Variants in MMP16 observed in about 807,000 individuals in gnomAD.
MMP16 encodes the protein matrix metallopeptidase 16, also known as matrix metalloproteinase-16.
In MMP16, 12 loss-of-function variants were observed where a neutral mutation model predicts 67.8. That is an observed-to-expected ratio of 0.18 (90% CI 0.11 to 0.29). MMP16 has a LOEUF of 0.29. MMP16 is among the 10% of genes least tolerant of loss of function. MMP16 has a pLI of 1.00. For missense variants in MMP16, 475 were observed against 765.7 expected, an observed-to-expected ratio of 0.62 and a Z score of 4.48; for synonymous variants, 249 against 255.9, an observed-to-expected ratio of 0.97 and a Z score of 0.26.
chr8:88,274,442 C>G (rs1031596586), intron 1 of MMP16, among the ~76,000 whole-genome samples: 19 of 152,028 alleles, frequency 1.2e-4, no homozygotes, highest in Non-Finnish European at 2.8e-4. Context: ...ATACGTAAGT[C>G]CACAGACATA....
At chr8:88,205,789 T>C (rs1026332738) in intron 1 of MMP16, among the ~76,000 whole-genome samples, 1 of 152,174 alleles carries the variant, frequency 6.6e-6, no homozygotes, top group African/African-American at 2.4e-5. Flanking sequence ...TATGCACCTA[T>C]GACACACCAT....
intron 1 of MMP16, among the ~76,000 whole-genome samples, chr8:88,225,990 A>G (rs894465593): frequency 6.6e-6 from 1 of 151,912 alleles, no homozygotes; most frequent in African/African-American, 2.4e-5. Context: ...CCCCATTTTT[A>G]TACAACTATT....
rs943835474 is a variant in MMP16 at position 88,326,917 on chromosome 8, A to G, written c.132+158T>C. ...TGGGTCTCACACGCATCCGTCACCT[A>G]AAACACCCTTAAACTGAACCAGGGT... On this transcript the variant is annotated intron_variant, in intron 1 of 9. Transcript: ENST00000286614. The G allele has an allele frequency of 6.9e-6, 6 of 871,520 alleles. No individual in the cohort carries two copies. In the Admixed American group the frequency reaches 1.1e-4, roughly 15 times the overall value. 54.0% of individuals were successfully genotyped at this position (871,520 alleles called of 1,614,324 possible). A position where few individuals can be genotyped will look rare whatever the true frequency, so the allele number is the denominator to read the frequency against.
Position 88,316,099 on chromosome 8 carries a change from A to G in MMP16, c.132+10976T>C, listed in dbSNP as rs143327664. On this transcript the variant is annotated intron_variant, in intron 1 of 9. Transcript: ENST00000286614. ...GAGAGAGGTGAGGAAGCTGCAGAAG[A>G]AAAGTTGAAAGCTAGAAGTGGTTGG... Among the ~76,000 whole-genome samples, 99 of 152,308 alleles carry G rather than the reference A, an allele frequency of 6.5e-4. 1 individual carries two copies. The East Asian group carries it at 0.018, about 28-fold the overall frequency.
At chr8:88,082,812 G>T (rs1808774397) in intron 6 of MMP16, among the ~76,000 whole-genome samples, 1 of 150,276 alleles carries the variant, frequency 6.7e-6, no homozygotes, top group Non-Finnish European at 1.5e-5. Context: ...GTGTCAGGTT[G>T]AATTGTTAAA....
chr8:88,287,939 A>G (rs138659854), intron 1 of MMP16, among the ~76,000 whole-genome samples: 6 of 152,366 alleles, frequency 3.9e-5, no homozygotes, highest in Non-Finnish European at 7.4e-5. Context: ...AGTAAGAGTA[A>G]TACCAAGGTC....
Position 88,063,897 on chromosome 8 carries a change from T to A in MMP16, c.1223-7619A>T, listed in dbSNP as rs1178681664. Among the ~76,000 whole-genome samples the A allele has an allele frequency of 2.6e-5, 4 of 152,078 alleles. No homozygotes were observed. In the East Asian group the frequency reaches 7.7e-4, roughly 29 times the overall value. ...CAATTAACCCACTGTATTCGGCTCA[T>A]GCTTGTTCACTGTATCCTGAGTAGT... On this transcript the variant is annotated intron_variant, in intron 7 of 9. Transcript: ENST00000286614.
intron 1 of MMP16, among the ~76,000 whole-genome samples, chr8:88,300,822 GC>G (rs952926464): frequency 1.3e-5 from 2 of 152,006 alleles, no homozygotes; most frequent in Non-Finnish European, 2.9e-5. Flanking sequence ...TTGAGGAAAG[GC>G]CCTTTTTTTT....
chr8:88,216,914 G>A (rs1485580657), intron 1 of MMP16, among the ~76,000 whole-genome samples: 1 of 151,756 alleles, frequency 6.6e-6, no homozygotes, highest in East Asian at 1.9e-4. Flanking sequence ...ATAAATATCT[G>A]GTTCCTCCAG....
chr8:88,130,907 G>A (rs1050262191), intron 4 of MMP16, among the ~76,000 whole-genome samples: 3 of 151,540 alleles, frequency 2.0e-5, no homozygotes, highest in Admixed American at 2.0e-4. Flanking sequence ...CAGCAAACAG[G>A]AACACTTAAA....
rs1250145703 is a variant in MMP16 at position 88,033,396 on chromosome 8, C to T, written c.*8065G>A. The T allele has an allele frequency of 3.3e-5, 5 of 150,830 alleles. No homozygotes were observed. Among genetic ancestry groups the T allele is most frequent in the East Asian group, 1.9e-4 (1 of 5,160 alleles). The allele number at this position is 150,830 out of a possible 1,614,324, so 9.3% of individuals were successfully genotyped here. A position where few individuals can be genotyped will look rare whatever the true frequency, so the allele number is the denominator to read the frequency against. On this transcript the variant is annotated 3_prime_UTR_variant, in exon 10 of 10. Coordinates refer to ENST00000286614, the MANE Select transcript of MMP16 (RefSeq NM_005941.5). ...AATCTGCATTATCATACTGATCCAC[C>T]GCTGGAATCAAGATAATGTTAATAA... is the stretch of plus-strand genomic sequence containing the variant.
intron 3 of MMP16, among the ~76,000 whole-genome samples, chr8:88,175,985 T>A (rs981508680): frequency 6.6e-6 from 1 of 152,230 alleles, no homozygotes; most frequent in Non-Finnish European, 1.5e-5. Flanking sequence ...CATGTGGAAC[T>A]GTGAGTCCAT....
chr8:88,266,346 TAA>T (rs1810476647), intron 1 of MMP16, among the ~76,000 whole-genome samples: 1 of 151,936 alleles, frequency 6.6e-6, no homozygotes, highest in Admixed American at 6.6e-5. Context: ...TGCTATTTTT[TAA>T]CATACTTTTC....
At chr8:88,296,356 T>C (rs1811013335) in intron 1 of MMP16, among the ~76,000 whole-genome samples, 1 of 152,238 alleles carries the variant, frequency 6.6e-6, no homozygotes, top group South Asian at 2.1e-4. Flanking sequence ...TGTCTGTATA[T>C]ATCATAAGAA....
intron 1 of MMP16, among the ~76,000 whole-genome samples, chr8:88,316,011 G>A (rs796513731): frequency 7.9e-5 from 12 of 152,168 alleles, no homozygotes; most frequent in South Asian, 4.1e-4. Context: ...CAGCCACAAC[G>A]TTCCCTTAAG....
intron 6 of MMP16, 72 bp from the exon 7 acceptor site, chr8:88,074,815 A>C (rs534402331): frequency 2.6e-6 from 4 of 1,522,324 alleles, no homozygotes; most frequent in East Asian, 4.6e-5. Flanking sequence ...CAATGGCTGG[A>C]CGCTTTTGAA....
intron 6 of MMP16, among the ~76,000 whole-genome samples, chr8:88,079,567 T>C (rs1808711832): frequency 6.6e-6 from 1 of 152,136 alleles, no homozygotes; most frequent in Non-Finnish European, 1.5e-5. Flanking sequence ...GAATCACAAA[T>C]CATCCATTAA....
intron 3 of MMP16, among the ~76,000 whole-genome samples, chr8:88,177,147 A>C (rs192640220): frequency 6.6e-6 from 1 of 152,256 alleles, no homozygotes; most frequent in East Asian, 1.9e-4. Flanking sequence ...GTCTATTTTA[A>C]ATGGTGCCTT....
intron 1 of MMP16, among the ~76,000 whole-genome samples, chr8:88,259,689 G>A (rs1810357335): frequency 6.6e-6 from 1 of 152,124 alleles, no homozygotes; most frequent in Admixed American, 6.6e-5. Flanking sequence ...CTATAACTAT[G>A]TTAACAACGG....
Sources: allele counts gnomAD v4.1 joint callset (sites outside exome capture counted in the v4.1 genomes callset), GRCh38; gene constraint gnomAD v4.1.1; transcripts MANE v1.5; gene names NCBI Gene and HGNC (gene_info 2026-07-23, HGNC 2026-07-21).